Variants in SORCS1 observed in about 807,000 individuals in gnomAD.
The protein encoded by SORCS1 is VPS10 domain-containing receptor SorCS1.
SORCS1 carries 60 observed loss-of-function variants against 146.1 expected under a neutral mutation model. That is an observed-to-expected ratio of 0.41 (90% CI 0.33 to 0.51). The LOEUF (loss-of-function observed/expected upper bound fraction) is 0.51, where lower values mean the gene tolerates loss of function less well. Among genes scored for constraint, SORCS1 ranks in the 20% least tolerant of loss-of-function variants. The pLI, the probability that SORCS1 is intolerant of heterozygous loss-of-function variation, is 0.21. For missense variants in SORCS1, 1,352 were observed against 1,487.6 expected (o/e 0.91, Z 1.50); for synonymous variants, 637 against 584.0 (o/e 1.09, Z -1.31).
chr10:107,115,669 C>T (rs1590172779), intron 1 of SORCS1, among the ~76,000 whole-genome samples: 1 of 152,130 alleles, frequency 6.6e-6, no homozygotes, highest in East Asian at 1.9e-4. Context: ...AGTTTAAAAG[C>T]TCCCTGACAT....
intron 1 of SORCS1, among the ~76,000 whole-genome samples, chr10:106,997,825 T>C (rs1049292932): frequency 2.6e-5 from 4 of 152,180 alleles, no homozygotes; most frequent in Non-Finnish European, 5.9e-5. Context: ...CTAAGTAGCA[T>C]TCTTTCTCCA....
At chr10:106,781,275 C>T (rs1428013997) in intron 3 of SORCS1, among the ~76,000 whole-genome samples, 5 of 152,264 alleles carry the variant, frequency 3.3e-5, no homozygotes, top group Middle Eastern at 6.8e-3. Flanking sequence ...TCACCACCTC[C>T]GGGCATATAC....
intron 5 of SORCS1, among the ~76,000 whole-genome samples, chr10:106,731,023 C>G (rs1056296978): frequency 6.6e-6 from 1 of 152,092 alleles, no homozygotes; most frequent in Non-Finnish European, 1.5e-5. Context: ...AACTACTTAT[C>G]CCTGGGCCGG....
chr10:106,909,331 T>A (rs987572513), intron 2 of SORCS1, among the ~76,000 whole-genome samples: 1 of 152,204 alleles, frequency 6.6e-6, no homozygotes, highest in Non-Finnish European at 1.5e-5. Context: ...CAAGTCACCA[T>A]CTTTTCCTTG....
At chr10:106,670,086 A>T (rs1468023570) in intron 16 of SORCS1, among the ~76,000 whole-genome samples, 3 of 152,258 alleles carry the variant, frequency 2.0e-5, no homozygotes, top group South Asian at 2.1e-4. Context: ...ACATATGTAC[A>T]TATTTAGCGA....
chr10:106,600,647 T>C, intron 23 of SORCS1: 2 of 985,450 alleles, frequency 2.0e-6, no homozygotes, highest in Non-Finnish European at 2.4e-6. Context: ...TAAAGTTGCT[T>C]GCTTCTTACT....
chr10:107,144,997 A>G (rs1271670266), intron 1 of SORCS1, among the ~76,000 whole-genome samples: 1 of 152,232 alleles, frequency 6.6e-6, no homozygotes, highest in Admixed American at 6.5e-5. Context: ...AGCCATCAGG[A>G]TGCATGGTGC....
intron 24 of SORCS1, among the ~76,000 whole-genome samples, chr10:106,584,760 G>A (rs1324792650): frequency 6.6e-6 from 1 of 152,192 alleles, no homozygotes; most frequent in Non-Finnish European, 1.5e-5. Flanking sequence ...CTAATGACAA[G>A]TGAAGCATTG....
chr10:107,164,723 G>C (rs889544287), upstream of SORCS1, among the ~76,000 whole-genome samples: 1 of 150,190 alleles, frequency 6.7e-6, no homozygotes, highest in Non-Finnish European at 1.5e-5. This position sits in a 1 kb window ranked among gnomAD's most constrained non-coding sequence, Gnocchi z 6.8. Context: ...CGCGGGTCCG[G>C]ACGGAGCGAG....
At chr10:106,779,486 C>A (rs1860721868) in intron 3 of SORCS1, among the ~76,000 whole-genome samples, 2 of 151,658 alleles carry the variant, frequency 1.3e-5, no homozygotes, top group South Asian at 4.2e-4. Context: ...ATCTCTATAT[C>A]CTATTGTGGA....
At chr10:107,168,812 G>A (rs1386690890), upstream of SORCS1, among the ~76,000 whole-genome samples, 1 of 151,878 alleles carries the variant, frequency 6.6e-6, no homozygotes, top group Non-Finnish European at 1.5e-5. Context: ...CTTATTCCCA[G>A]TATGTTCTTG....
At chr10:106,942,464 A>C (rs1954092597) in intron 2 of SORCS1, among the ~76,000 whole-genome samples, 1 of 152,178 alleles carries the variant, frequency 6.6e-6, no homozygotes, top group Non-Finnish European at 1.5e-5. Flanking sequence ...TGCTGACCCC[A>C]GGGTGTGGCT....
At chr10:106,833,600 AC>A (rs1277537827) in intron 2 of SORCS1, among the ~76,000 whole-genome samples, 2 of 152,186 alleles carry the variant, frequency 1.3e-5, no homozygotes, top group East Asian at 3.9e-4. Flanking sequence ...AAGTTTCCTC[AC>A]AGTCTAGCAA....
the SORCS1 span, among the ~76,000 whole-genome samples, chr10:107,174,504 G>A: frequency 6.6e-6 from 1 of 151,986 alleles, no homozygotes; most frequent in Admixed American, 6.6e-5. Flanking sequence ...CACCGCACCC[G>A]GCCACATCTT....
chr10:106,927,039 G>C (rs1953078600), intron 2 of SORCS1, among the ~76,000 whole-genome samples: 1 of 152,138 alleles, frequency 6.6e-6, no homozygotes, highest in East Asian at 1.9e-4. Context: ...TTTTTTGGAG[G>C]TAGGTACTTG....
At chr10:106,664,200 C>T (rs1850953531) in intron 17 of SORCS1, among the ~76,000 whole-genome samples, 1 of 152,122 alleles carries the variant, frequency 6.6e-6, no homozygotes, top group Admixed American at 6.6e-5. Context: ...CTGCATTGAC[C>T]AACATTTATA....
At chr10:106,768,160 T>A (rs1859722552) in intron 4 of SORCS1, among the ~76,000 whole-genome samples, 1 of 152,170 alleles carries the variant, frequency 6.6e-6, no homozygotes, top group Non-Finnish European at 1.5e-5. Flanking sequence ...GGGGTTGACA[T>A]TTAGCGAGCT....
chr10:107,145,519 G>A (rs1199658788), intron 1 of SORCS1, among the ~76,000 whole-genome samples: 1 of 152,102 alleles, frequency 6.6e-6, no homozygotes, highest in East Asian at 1.9e-4. Flanking sequence ...ATTTACCCAC[G>A]TGCACCAAGT....
Position 106,672,258 on chromosome 10 carries a change from C to T in SORCS1, c.2058+610G>A, listed in dbSNP as rs116393539. ...CAAATCCTTTGAGAGATCTGCGGAA[C>T]GACTTGTACCTTGGGAAATCAAGGG... On this transcript the variant is annotated intron_variant, in intron 15 of 25. Transcript: ENST00000263054. Among the ~76,000 whole-genome samples the T allele has an allele frequency of 2.7e-3, 417 of 152,232 alleles. 3 individuals are homozygous for T. The highest frequency in any genetic ancestry group is 9.6e-3 in the African/African-American group (398 of 41,544).
Sources: gnomAD v4.1 joint callset for allele counts (sites outside exome capture counted in the v4.1 genomes callset) on GRCh38, gnomAD v4.1.1 for gene constraint, Gnocchi (gnomAD v3.1) non-coding constraint, MANE v1.5 for transcripts, NCBI Gene and HGNC (gene_info 2026-07-23, HGNC 2026-07-21) for gene names.